The following PSTPIP1 variants were observed in gnomAD, a reference collection of about 807,000 sequenced individuals.
PSTPIP1 encodes proline-serine-threonine phosphatase-interacting protein 1.
In PSTPIP1, 66 loss-of-function variants were observed where a neutral mutation model predicts 69.6. That is an observed-to-expected ratio of 0.95 (90% CI 0.78 to 1.16). The LOEUF (loss-of-function observed/expected upper bound fraction) is 1.16. PSTPIP1 is among the 50% of genes most tolerant of loss of function. PSTPIP1 has a pLI of 0.00. For synonymous variants in PSTPIP1, 266 were observed against 222.7 expected, an observed-to-expected ratio of 1.19 and a Z score of -1.73; for missense variants, 603 against 557.4, an observed-to-expected ratio of 1.08 and a Z score of -0.82.
intron 11 of PSTPIP1, 152 bp downstream of exon 11, chr15:77,032,546 T>TC: frequency 1.3e-6 from 1 of 758,654 alleles, no homozygotes; most frequent in Admixed American, 2.7e-5. Flanking sequence ...GGGAGTTGGG[T>TC]CCCAGGCCTG....
intron 1 of PSTPIP1, among the ~76,000 whole-genome samples, chr15:77,007,178 C>T (rs2075831188): frequency 6.6e-6 from 1 of 152,138 alleles, no homozygotes; most frequent in Admixed American, 6.5e-5. Flanking sequence ...TCCTTGAGGC[C>T]CCACCTGCTC....
In PSTPIP1 at chr15:77,029,528, G is replaced by A; in HGVS notation, c.517-1G>A. 1.3e-6 allele frequency: 2 copies of A among 1,579,122 alleles called. No homozygotes were observed. Among genetic ancestry groups the A allele is most frequent in the Non-Finnish European group, 8.6e-7 (1 of 1,163,426 alleles). On this transcript the variant is annotated splice_acceptor_variant, in intron 7 of 14. Transcript: ENST00000558012. LOFTEE classifies it high-confidence loss of function. ...GCGCTGCTTCCCCTCTGTTTCCTCA[G>A]AGTCAGAACAAAGCCAGGCAGTGCA...
chr15:77,035,419 CTG>C, intron 12 of PSTPIP1, 87 bp from the exon 13 acceptor site: 3 of 1,383,316 alleles, frequency 2.2e-6, no homozygotes, highest in Non-Finnish European at 3.0e-6. Flanking sequence ...GCGTGCAGCT[CTG>C]AGACCTCTCC....
chr15:77,037,020 C>T, intron 14 of PSTPIP1, 25 bp from the exon 15 acceptor site: 1 of 1,609,914 alleles, frequency 6.2e-7, no homozygotes, highest in Non-Finnish European at 8.5e-7. Context: ...CTTCCAACGT[C>T]ATGCGCTTTC....
intron 3 of PSTPIP1, among the ~76,000 whole-genome samples, chr15:77,021,666 G>A (rs139457876): frequency 7.2e-5 from 11 of 152,276 alleles, no homozygotes; most frequent in African/African-American, 2.2e-4. Flanking sequence ...GCTGCAGAGC[G>A]AGACTCCATC....
At position 77,018,545 on chromosome 15, in the gene PSTPIP1, G is replaced by C; in HGVS notation, c.212+14G>C. The C allele has an allele frequency of 6.5e-7, 1 of 1,547,232 alleles. No homozygotes were observed. Reference sequence around the variant, plus strand: ...GACGGAGATCAAGTAAGATCTCCCGGGCCCTGGGGCTCACTCCTCTCCTCT... The same window carrying C: ...GACGGAGATCAAGTAAGATCTCCCGCGCCCTGGGGCTCACTCCTCTCCTCT... On this transcript the variant is annotated intron_variant, in intron 3 of 14. Transcript: ENST00000558012.
intron 3 of PSTPIP1, chr15:77,023,892 T>C (rs1450292309): frequency 6.6e-6 from 1 of 152,138 alleles, no homozygotes; most frequent in East Asian, 1.9e-4. Context: ...AGCAGAGGGA[T>C]TGGAGGTGCC....
intron 1 of PSTPIP1, among the ~76,000 whole-genome samples, chr15:77,016,256 G>T (rs1289216042): frequency 2.0e-5 from 3 of 152,276 alleles, no homozygotes; most frequent in African/African-American, 4.8e-5. Context: ...AGGGCGGGGG[G>T]GTCTGTGGCA....
chr15:77,026,192 C>T (rs1356344983), intron 5 of PSTPIP1: 1 of 455,974 alleles, frequency 2.2e-6, no homozygotes, highest in Middle Eastern at 3.3e-4. Flanking sequence ...CAGAGGCTGG[C>T]AGATGCTTGT....
At position 77,036,793 on chromosome 15, in the gene PSTPIP1, G is replaced by A. The variant is rs113554225; in HGVS notation, c.1120-252G>A. ...ACCCCTGACATGCTCCAGTCACTGC[G>A]TCTCCAGAATGGGAGAGGGGAGGTG... On this transcript the variant is annotated intron_variant, in intron 14 of 14. Transcript: ENST00000558012. Among the ~76,000 whole-genome samples the A allele has an allele frequency of 1.9e-3, 286 of 152,234 alleles. 2 individuals carry two copies. Among genetic ancestry groups the A allele is most frequent in the African/African-American group, 5.6e-3 (232 of 41,546 alleles).
At chr15:77,007,330 C>T (rs931122288) in intron 1 of PSTPIP1, among the ~76,000 whole-genome samples, 1 of 152,172 alleles carries the variant, frequency 6.6e-6, no homozygotes, top group Non-Finnish European at 1.5e-5. Flanking sequence ...ACTTCTGGCC[C>T]TGTGCAGTGG....
At chr15:77,031,471 A>G (rs1372304084) in intron 10 of PSTPIP1, 193 bp downstream of exon 10, 2 of 510,076 alleles carry the variant, frequency 3.9e-6, no homozygotes, top group Non-Finnish European at 7.1e-6. Flanking sequence ...ACACAGGGCC[A>G]TGGCTTCTCT....
chr15:77,009,755 G>A (rs2075895087), intron 1 of PSTPIP1, among the ~76,000 whole-genome samples: 1 of 152,196 alleles, frequency 6.6e-6, no homozygotes, highest in Admixed American at 6.5e-5. Flanking sequence ...CAGGAGGTTT[G>A]TGACTCATGC....
At chr15:77,005,245 G>A (rs2152667997) in intron 1 of PSTPIP1, among the ~76,000 whole-genome samples, 1 of 152,298 alleles carries the variant, frequency 6.6e-6, no homozygotes, top group South Asian at 2.1e-4. Flanking sequence ...ATGTAGCCAG[G>A]TATGGTGGTG....
Position 77,030,195 on chromosome 15 carries a change from C to A in PSTPIP1, c.563-307C>A, listed in dbSNP as rs2469236. Among the ~76,000 whole-genome samples, 995 of 152,350 alleles carry A rather than the reference C, an allele frequency of 6.5e-3. 13 individuals are homozygous for A. Among genetic ancestry groups the A allele is most frequent in the African/African-American group, 0.022 (922 of 41,580 alleles). ...CGCCCTCTCAGCTGCCTTCTCTGAA[C>A]CTCAGTTTCCCCTCTGGAAAGTGAG... On this transcript the variant is annotated intron_variant, in intron 8 of 14. Coordinates refer to ENST00000558012, the MANE Select transcript of PSTPIP1 (RefSeq NM_003978.5).
At chr15:77,033,623 C>CCCACCGCCATGCCA (rs2076475692) in intron 12 of PSTPIP1, among the ~76,000 whole-genome samples, 1 of 152,076 alleles carries the variant, frequency 6.6e-6, no homozygotes, top group Non-Finnish European at 1.5e-5. Flanking sequence ...TGCCTGTGCC[C>CCCACCGCCATGCCA]CCACCGCCAT....
intron 9 of PSTPIP1, among the ~76,000 whole-genome samples, chr15:77,030,866 G>A (rs1396394754): frequency 6.6e-6 from 1 of 152,222 alleles, no homozygotes; most frequent in African/African-American, 2.4e-5. Flanking sequence ...TCTGGGTGCT[G>A]CCGATGGACA....
intron 3 of PSTPIP1, among the ~76,000 whole-genome samples, chr15:77,019,015 G>A (rs551977996): frequency 4.6e-5 from 7 of 152,340 alleles, no homozygotes; most frequent in African/African-American, 1.2e-4. Context: ...CTGTGGCTCC[G>A]TTTCCTCATC....
rs201788590 is a variant in PSTPIP1 at position 77,036,983 on chromosome 15, CTCCCTGCAGGCCCT to C, written c.1120-44_1120-31del. On this transcript the variant is annotated intron_variant, in intron 14 of 14. Coordinates refer to ENST00000558012, the MANE Select transcript of PSTPIP1 (RefSeq NM_003978.5). ...TGCTGGGTGGGGGAACGCCAGGCCC[CTCCCTGCAGGCCCT>C]TCCCTGCAGGCCCTTCCAACGTCAT... 5.9e-3 allele frequency: 9,296 copies of C among 1,581,600 alleles called. 194 individuals carry two copies. In the East Asian group the frequency reaches 0.062, roughly 11 times the overall value.
Sources: allele counts gnomAD v4.1 joint callset (sites outside exome capture counted in the v4.1 genomes callset), GRCh38; gene constraint gnomAD v4.1.1; transcripts MANE v1.5; gene names NCBI Gene and HGNC (gene_info 2026-07-23, HGNC 2026-07-21).